Variants in ADAMTSL1 observed in about 807,000 individuals in gnomAD.
The protein encoded by ADAMTSL1 is ADAMTS-like protein 1.
ADAMTSL1 carries 126 observed loss-of-function variants against 201.8 expected under a neutral mutation model. The observed-to-expected ratio is 0.62, with a 90% CI of 0.54 to 0.72. The LOEUF (loss-of-function observed/expected upper bound fraction) is 0.72, where lower values mean the gene tolerates loss of function less well. Among genes scored for constraint, ADAMTSL1 ranks in the 30% least tolerant of loss-of-function variants. The pLI is 0.00. For missense variants in ADAMTSL1, 2,679 were observed against 2,277.8 expected (o/e 1.18, Z -3.59); for synonymous variants, 1,121 against 903.4 (o/e 1.24, Z -4.32).
At chr9:18,614,682 C>T (rs947410365) in intron 4 of ADAMTSL1, among the ~76,000 whole-genome samples, 26 of 152,034 alleles carry the variant, frequency 1.7e-4, no homozygotes, top group African/African-American at 6.3e-4. Flanking sequence ...GATTAAAACC[C>T]CTCACCCTAG....
intron 1 of ADAMTSL1, among the ~76,000 whole-genome samples, chr9:17,909,280 A>T (rs971743679): frequency 6.9e-6 from 1 of 145,656 alleles, no homozygotes; most frequent in East Asian, 2.1e-4. Flanking sequence ...TTGCCTGTTC[A>T]CTCTGATGGT....
intron 2 of ADAMTSL1, among the ~76,000 whole-genome samples, chr9:18,279,024 A>G (rs1323910301): frequency 6.6e-6 from 1 of 151,860 alleles, no homozygotes; most frequent in Non-Finnish European, 1.5e-5. Context: ...GGTTCTTTTT[A>G]TGATTTCTCC....
intron 14 of ADAMTSL1, among the ~76,000 whole-genome samples, chr9:18,711,038 T>C (rs1033874174): frequency 1.3e-5 from 2 of 152,048 alleles, no homozygotes; most frequent in Non-Finnish European, 2.9e-5. Context: ...GCAGATACAC[T>C]TATGCATGAG....
intron 1 of ADAMTSL1, among the ~76,000 whole-genome samples, chr9:18,490,187 C>A (rs1587359640): frequency 6.6e-6 from 1 of 152,144 alleles, no homozygotes; most frequent in African/African-American, 2.4e-5. Context: ...CTGGCCAGAG[C>A]TGGAAGCAGG....
intron 2 of ADAMTSL1, among the ~76,000 whole-genome samples, chr9:18,203,452 T>A (rs1001040096): frequency 4.0e-5 from 6 of 151,666 alleles, no homozygotes; most frequent in Non-Finnish European, 7.4e-5. Flanking sequence ...TAGAGGAGAT[T>A]GACTAGTATA....
At chr9:18,018,327 C>T (rs183011403) in intron 1 of ADAMTSL1, among the ~76,000 whole-genome samples, 2 of 152,174 alleles carry the variant, frequency 1.3e-5, no homozygotes, top group Non-Finnish European at 2.9e-5. Context: ...GACAGTGTAG[C>T]AGACAACCTT....
At chr9:18,108,196 A>ATTTTT (rs5896770) in intron 1 of ADAMTSL1, among the ~76,000 whole-genome samples, 2 of 125,568 alleles carry the variant, frequency 1.6e-5, no homozygotes, top group Non-Finnish European at 1.7e-5. Flanking sequence ...AGAGTGTGGA[A>ATTTTT]TTTTTTTTTT....
At chr9:18,399,284 T>TATATAC (rs1817873485) in intron 2 of ADAMTSL1, among the ~76,000 whole-genome samples, 1 of 36,582 alleles carries the variant, frequency 2.7e-5, no homozygotes, top group Non-Finnish European at 5.1e-5. Context: ...GCTTTACATA[T>TATATAC]ATATATATAT....
chr9:18,321,693 T>C (rs540644694), intron 2 of ADAMTSL1, among the ~76,000 whole-genome samples: 1 of 152,120 alleles, frequency 6.6e-6, no homozygotes, highest in Non-Finnish European at 1.5e-5. Flanking sequence ...CTTGGGATGC[T>C]GAGGCAGGAG....
At chr9:18,704,323 T>C (rs1489203685) in intron 13 of ADAMTSL1, among the ~76,000 whole-genome samples, 1 of 152,214 alleles carries the variant, frequency 6.6e-6, no homozygotes, top group African/African-American at 2.4e-5. Context: ...GGCCAGCCCT[T>C]GCCCTGTTAT....
At chr9:18,333,353 T>A (rs183674284) in intron 2 of ADAMTSL1, among the ~76,000 whole-genome samples, 3 of 152,232 alleles carry the variant, frequency 2.0e-5, no homozygotes, top group African/African-American at 7.2e-5. Context: ...GTCATAAGCG[T>A]CTGGCATTTC....
chr9:17,922,480 G>A (rs1826344556), intron 1 of ADAMTSL1, among the ~76,000 whole-genome samples: 1 of 152,088 alleles, frequency 6.6e-6, no homozygotes, highest in African/African-American at 2.4e-5. Context: ...GATTCAATAG[G>A]ACTAGGATGG....
At chr9:17,930,857 C>G (rs1826754444) in intron 1 of ADAMTSL1, among the ~76,000 whole-genome samples, 2 of 152,142 alleles carry the variant, frequency 1.3e-5, no homozygotes, top group South Asian at 4.1e-4. Context: ...TCTTCCCAGG[C>G]TCTTGTGTAG....
intron 2 of ADAMTSL1, among the ~76,000 whole-genome samples, chr9:18,225,399 G>A (rs1830404188): frequency 6.6e-6 from 1 of 152,168 alleles, no homozygotes; most frequent in African/African-American, 2.4e-5. Context: ...ATGCGAAAAT[G>A]TATCTTGTCC....
chr9:18,587,581 T>A (rs2132453236), intron 4 of ADAMTSL1, among the ~76,000 whole-genome samples: 1 of 152,298 alleles, frequency 6.6e-6, no homozygotes, highest in South Asian at 2.1e-4. Context: ...ATACCAGAAC[T>A]TATTCCTTCT....
chr9:18,280,901 G>A (rs1191024976), intron 2 of ADAMTSL1, among the ~76,000 whole-genome samples: 1 of 130,472 alleles, frequency 7.7e-6, no homozygotes, highest in East Asian at 2.4e-4. Context: ...CCTGAGACAA[G>A]GTCTCACTCT....
At chr9:17,978,945 G>T (rs901490753) in intron 1 of ADAMTSL1, among the ~76,000 whole-genome samples, 1 of 130,594 alleles carries the variant, frequency 7.7e-6, no homozygotes, top group Non-Finnish European at 1.6e-5. Flanking sequence ...ACTAGGTAAA[G>T]TATTCTTGGT....
intron 9 of ADAMTSL1, among the ~76,000 whole-genome samples, chr9:18,664,827 G>A (rs1829332283): frequency 6.6e-6 from 1 of 151,982 alleles, no homozygotes; most frequent in Non-Finnish European, 1.5e-5. Context: ...GGAAGAGAGG[G>A]TCATTTGTTG....
At chr9:18,378,695 A>C (rs1428321120) in intron 2 of ADAMTSL1, among the ~76,000 whole-genome samples, 3 of 152,052 alleles carry the variant, frequency 2.0e-5, no homozygotes. Flanking sequence ...CATGATGCCC[A>C]CTTTAGATCC....
Sources: allele counts gnomAD v4.1 joint callset (sites outside exome capture counted in the v4.1 genomes callset), GRCh38; gene constraint gnomAD v4.1.1; transcripts MANE v1.5; gene names NCBI Gene and HGNC (gene_info 2026-07-23, HGNC 2026-07-21).